Variants in CDH18 observed in about 807,000 individuals in gnomAD.
CDH18 encodes the protein cadherin-18.
In CDH18, 31 loss-of-function variants were observed where a neutral mutation model predicts 67.9. That is an observed-to-expected ratio of 0.46 (90% CI 0.34 to 0.62). CDH18 has a LOEUF of 0.62. CDH18 is among the 20% of genes least tolerant of loss of function. CDH18 has a pLI of 0.01. For synonymous variants in CDH18, 362 were observed against 347.2 expected, an observed-to-expected ratio of 1.04 and a Z score of -0.48; for missense variants, 890 against 975.5, an observed-to-expected ratio of 0.91 and a Z score of 1.17.
intron 1 of CDH18, among the ~76,000 whole-genome samples, chr5:20,307,711 A>G (rs1561958112): frequency 6.6e-6 from 1 of 152,212 alleles, no homozygotes; most frequent in African/African-American, 2.4e-5. Context: ...ATTAAGCATC[A>G]ATATCCCAAG....
chr5:19,480,554 T>G (rs1739252320), intron 12 of CDH18, among the ~76,000 whole-genome samples: 1 of 151,608 alleles, frequency 6.6e-6, no homozygotes, highest in African/African-American at 2.4e-5. Context: ...ATTTTTTGTG[T>G]TTTTAGTAGA....
intron 2 of CDH18, among the ~76,000 whole-genome samples, chr5:20,050,620 A>G (rs1238371512): frequency 6.6e-6 from 1 of 151,900 alleles, no homozygotes; most frequent in East Asian, 1.9e-4. Flanking sequence ...TATTTTTTCC[A>G]TGTATAACAG....
chr5:20,167,704 C>T (rs1343041982), intron 2 of CDH18, among the ~76,000 whole-genome samples: 1 of 152,094 alleles, frequency 6.6e-6, no homozygotes, highest in Non-Finnish European at 1.5e-5. Context: ...GCCACCACTC[C>T]TAGATCCAAG....
intron 6 of CDH18, among the ~76,000 whole-genome samples, chr5:19,609,203 A>T (rs1279591235): frequency 6.6e-6 from 1 of 151,962 alleles, no homozygotes; most frequent in African/African-American, 2.4e-5. Flanking sequence ...TAGAAGGAGA[A>T]GTACACATCG....
At chr5:19,938,475 T>C (rs897473010) in intron 2 of CDH18, among the ~76,000 whole-genome samples, 1 of 151,522 alleles carries the variant, frequency 6.6e-6, no homozygotes, top group African/African-American at 2.4e-5. Context: ...GGTACATACA[T>C]TTATAATCTC....
At chr5:19,958,745 A>G (rs898456816) in intron 2 of CDH18, among the ~76,000 whole-genome samples, 7 of 152,020 alleles carry the variant, frequency 4.6e-5, no homozygotes, top group African/African-American at 1.7e-4. Flanking sequence ...AGTTTGTGTA[A>G]CTTTGGAAAG....
chr5:20,152,572 T>G (rs1193097787), intron 2 of CDH18, among the ~76,000 whole-genome samples: 2 of 151,956 alleles, frequency 1.3e-5, no homozygotes, highest in Non-Finnish European at 2.9e-5. Flanking sequence ...AATAAAAAGC[T>G]TGTTAAAAGA....
chr5:20,321,659 T>C (rs1292843162), intron 1 of CDH18, among the ~76,000 whole-genome samples: 3 of 152,164 alleles, frequency 2.0e-5, no homozygotes, highest in Non-Finnish European at 4.4e-5. Context: ...TTTCCTTTAT[T>C]CTCTCCTTTC....
intron 6 of CDH18, among the ~76,000 whole-genome samples, chr5:19,604,530 A>AACACACACACACACACAC (rs4002268): frequency 1.4e-5 from 2 of 145,118 alleles, no homozygotes; most frequent in African/African-American, 5.2e-5. Context: ...TTCAAATTAA[A>AACACACACACACACACAC]ACACACACAC....
intron 12 of CDH18, among the ~76,000 whole-genome samples, chr5:19,479,538 T>C (rs1458459266): frequency 6.6e-6 from 1 of 152,182 alleles, no homozygotes; most frequent in Non-Finnish European, 1.5e-5. Flanking sequence ...TAATTGTAGT[T>C]ATATATTTTC....
chr5:19,702,269 C>T (rs965869107), intron 5 of CDH18, among the ~76,000 whole-genome samples: 3 of 151,490 alleles, frequency 2.0e-5, no homozygotes, highest in African/African-American at 4.8e-5. Flanking sequence ...CTGCCTCAGC[C>T]TCCTGAGTAG....
intron 2 of CDH18, among the ~76,000 whole-genome samples, chr5:20,247,137 G>T (rs1219850686): frequency 6.6e-6 from 1 of 152,080 alleles, no homozygotes; most frequent in Non-Finnish European, 1.5e-5. Flanking sequence ...CTATAAACCA[G>T]TTCATGCAAA....
intron 1 of CDH18, among the ~76,000 whole-genome samples, chr5:20,552,815 G>A (rs971979192): frequency 7.3e-5 from 11 of 151,702 alleles, no homozygotes; most frequent in African/African-American, 1.2e-4. Context: ...GTGCAGTGGC[G>A]TGTGATCTCG....
In CDH18 at chr5:20,406,959, C is replaced by T. The variant is rs1414209831; in HGVS notation, c.-579-151454G>A. 9.9e-5 allele frequency among the ~76,000 whole-genome samples: 15 copies of T among 152,270 alleles called. No individual in the cohort carries two copies. The South Asian group carries it at 3.1e-3, about 32-fold the overall frequency. ...GCAGCATTATATAATAAGGAGGAAACTTCTAGCTGTCAACCTCTTCCTAGG... is the reference window on the plus strand; with the variant it reads ...GCAGCATTATATAATAAGGAGGAAATTTCTAGCTGTCAACCTCTTCCTAGG... On this transcript the variant is annotated intron_variant, in intron 1 of 14. Transcript: ENST00000507958.
In CDH18 at chr5:19,981,153, T is replaced by C. The variant is rs1015884029; in HGVS notation, c.-350A>G. ...ATAGATCTGTAACTGGCTCCCTGTT[T>C]CTGTTCTTGCTCCTCTTCAGTCTAT... On this transcript the variant is annotated 5_prime_UTR_variant, in exon 2 of 13. Coordinates refer to ENST00000382275, the MANE Select transcript of CDH18 (RefSeq NM_004934.5). The C allele has an allele frequency of 3.3e-5, 5 of 152,318 alleles. No homozygotes were observed. Among genetic ancestry groups the C allele is most frequent in the Admixed American group, 3.3e-4 (5 of 15,292 alleles). The allele number at this position is 152,318 out of a possible 1,614,324, so 9.4% of individuals were successfully genotyped here.
At chr5:19,859,217 C>T (rs1301717396) in intron 2 of CDH18, among the ~76,000 whole-genome samples, 1 of 152,004 alleles carries the variant, frequency 6.6e-6, no homozygotes, top group Non-Finnish European at 1.5e-5. Flanking sequence ...GTGGGACGTG[C>T]CTCATTATAC....
At chr5:20,435,396 T>G (rs1749092374) in intron 1 of CDH18, among the ~76,000 whole-genome samples, 1 of 152,014 alleles carries the variant, frequency 6.6e-6, no homozygotes, top group South Asian at 2.1e-4. Flanking sequence ...AATTACTATT[T>G]TCAAAATTCA....
intron 5 of CDH18, among the ~76,000 whole-genome samples, chr5:19,710,230 T>C (rs1446985): frequency 0.56 from 85,463 of 152,026 alleles, 27,202 homozygotes; most frequent in East Asian, 0.74. Flanking sequence ...GGGAATATTT[T>C]TGAGAAATAA....
At chr5:20,188,747 C>T (rs1183851182) in intron 2 of CDH18, among the ~76,000 whole-genome samples, 3 of 149,702 alleles carry the variant, frequency 2.0e-5, no homozygotes, top group African/African-American at 7.4e-5. Flanking sequence ...GAGTTTGATC[C>T]AAGCACAAAA....
Sources: gnomAD v4.1 joint callset for allele counts (sites outside exome capture counted in the v4.1 genomes callset) on GRCh38, gnomAD v4.1.1 for gene constraint, MANE v1.5 for transcripts, NCBI Gene and HGNC (gene_info 2026-07-23, HGNC 2026-07-21) for gene names.